Variants in TP73 observed in about 807,000 individuals in gnomAD.
TP73 encodes the protein tumor protein p73.
Under a neutral mutation model 62.5 loss-of-function variants are expected in TP73, and 25 were observed. That is an observed-to-expected ratio of 0.40 (90% CI 0.29 to 0.56). The LOEUF (loss-of-function observed/expected upper bound fraction) is 0.56. Ranked by LOEUF, TP73 falls within the 20% of genes least tolerant of loss-of-function variation. The probability of loss-of-function intolerance (pLI) is 0.46; values close to 1 mark genes in which losing one functional copy is unlikely to be tolerated. For missense variants in TP73, 754 were observed against 913.3 expected (o/e 0.83, Z 2.25); for synonymous variants, 423 against 377.5 (o/e 1.12, Z -1.40).
chr1:3,670,637 G>T lies in TP73; in HGVS notation c.-33-11696G>T, dbSNP rs1225352245. ...GCTGAGATCGTACCACTGCACTCCA[G>T]CCTGGGTGACAGAGCGAGACTCTAT... On this transcript the variant is annotated intron_variant, in intron 1 of 13. Transcript: ENST00000378295. The surrounding 1 kb of genome is among the most constrained non-coding windows in gnomAD (Gnocchi z 5.9). Among the ~76,000 whole-genome samples the T allele has an allele frequency of 6.6e-6, 1 of 152,126 alleles. No homozygotes were observed. The highest frequency in any genetic ancestry group is 2.4e-5 in the African/African-American group (1 of 41,422).
At chr1:3,729,822 C>T in intron 10 of TP73, 178 bp from the exon 11 acceptor site, 2 of 962,462 alleles carry the variant, frequency 2.1e-6, no homozygotes, top group Non-Finnish European at 1.5e-6. Flanking sequence ...TTCTCAGGCG[C>T]AGGCCCAGTG....
chr1:3,708,017 C>A, intron 4 of TP73: 1 of 670,818 alleles, frequency 1.5e-6, no homozygotes, highest in Non-Finnish European at 2.5e-6. Context: ...AGTCAGCCTC[C>A]AAAGGGCCAC....
intron 3 of TP73, among the ~76,000 whole-genome samples, chr1:3,688,706 G>T (rs1002482054): frequency 2.6e-5 from 4 of 152,216 alleles, no homozygotes; most frequent in Non-Finnish European, 5.9e-5. Context: ...TGGGGCAGAG[G>T]CCAGTGGTTT....
intron 3 of TP73, among the ~76,000 whole-genome samples, chr1:3,688,982 G>A (rs1427013912): frequency 1.3e-5 from 2 of 152,188 alleles, no homozygotes; most frequent in Non-Finnish European, 2.9e-5. Context: ...CCCTTTGGCA[G>A]GAGAGGACAC....
intron 3 of TP73, among the ~76,000 whole-genome samples, chr1:3,683,593 C>G (rs1645575394): frequency 6.6e-6 from 1 of 152,230 alleles, no homozygotes; most frequent in African/African-American, 2.4e-5. Context: ...CTCGCTCAGT[C>G]TCTTGGTCTG....
chr1:3,669,198 G>A (rs567821103), intron 1 of TP73, among the ~76,000 whole-genome samples: 294 of 152,304 alleles, frequency 1.9e-3, no homozygotes, highest in African/African-American at 5.8e-3. Flanking sequence ...CCCTCCTCTC[G>A]GCCTGAGTCG....
chr1:3,704,773 G>T (rs1407818562), intron 3 of TP73, among the ~76,000 whole-genome samples: 4 of 152,154 alleles, frequency 2.6e-5, no homozygotes, highest in African/African-American at 9.7e-5. Flanking sequence ...CCTGGGCTGT[G>T]CGACCAGAGC....
chr1:3,723,532 TC>T, intron 6 of TP73, 63 bp downstream of exon 6: 1 of 738,818 alleles, frequency 1.4e-6, no homozygotes. Context: ...GGGGGAGGGG[TC>T]CCCTGAGGCA....
intron 1 of TP73, among the ~76,000 whole-genome samples, chr1:3,660,941 A>T (rs1353117774): frequency 6.6e-6 from 1 of 152,234 alleles, no homozygotes; most frequent in African/African-American, 2.4e-5. Flanking sequence ...TACAACTAAT[A>T]TAGAATGTAT....
chr1:3,723,267 C>A, intron 5 of TP73, 87 bp from the exon 6 acceptor site: 1 of 1,123,112 alleles, frequency 8.9e-7, no homozygotes, highest in South Asian at 1.4e-5. Context: ...CCCTTTGAAC[C>A]CGGCACAGGG....
rs768092583 is a variant in TP73, at chr1:3,666,343, G to A, written c.-34+13702G>A. 2.0e-5 allele frequency among the ~76,000 whole-genome samples: 3 copies of A among 152,110 alleles called. No homozygotes were observed. The East Asian group carries it at 5.8e-4, about 29-fold the overall frequency. On this transcript the variant is annotated intron_variant, in intron 1 of 13. Transcript: ENST00000378295. This position sits in a 1 kb window ranked among gnomAD's most constrained non-coding sequence, Gnocchi z 6.4. Reference sequence around the variant, plus strand: ...GTTGTTTCTTGCTTTTAGAGACAGGGTCTTGCTATGTATCCCACACTAATG... The same window carrying A: ...GTTGTTTCTTGCTTTTAGAGACAGGATCTTGCTATGTATCCCACACTAATG...
Position 3,682,348 on chromosome 1 carries a change from G to A in TP73, c.-18G>A, listed in dbSNP as rs1387232386. On this transcript the variant is annotated 5_prime_UTR_variant, in exon 2 of 14. Transcript: ENST00000378295. ...CTTCCTGCAGAGCGAGCTGCCCTCG[G>A]AGGCCGGCGTGGGGAAGATGGCCCA... 11 of 1,519,926 alleles carry A rather than the reference G, an allele frequency of 7.2e-6. No homozygotes were observed. Among genetic ancestry groups the A allele is most frequent in the Admixed American group, 2.0e-5 (1 of 49,798 alleles). The allele number at this position is 1,519,926 out of a possible 1,614,324, so 94.2% of individuals were successfully genotyped here. A position where few individuals can be genotyped will look rare whatever the true frequency, so the allele number is the denominator to read the frequency against.
intron 1 of TP73, among the ~76,000 whole-genome samples, chr1:3,657,708 C>T (rs534811950): frequency 2.0e-5 from 3 of 152,174 alleles, no homozygotes; most frequent in Non-Finnish European, 4.4e-5. Context: ...CTTTTCAGGA[C>T]GAGGATCTTG....
At chr1:3,731,705 G>A (rs1266461153) in intron 13 of TP73, 149 bp downstream of exon 13, 26 of 736,978 alleles carry the variant, frequency 3.5e-5, no homozygotes, top group Middle Eastern at 3.8e-4. Context: ...TTTGACTCTT[G>A]AGAGCTTAGG....
intron 13 of TP73, among the ~76,000 whole-genome samples, chr1:3,732,112 G>A (rs773994316): frequency 3.3e-5 from 5 of 152,174 alleles, no homozygotes; most frequent in East Asian, 1.9e-4. Context: ...ACAGGGCACC[G>A]TCAGTCAAGG....
At chr1:3,700,775 C>T (rs1201945644) in intron 3 of TP73, among the ~76,000 whole-genome samples, 2 of 151,120 alleles carry the variant, frequency 1.3e-5, no homozygotes, top group Non-Finnish European at 2.9e-5. Context: ...AGTGAGACTT[C>T]GTCTCAAAAA....
intron 9 of TP73, among the ~76,000 whole-genome samples, chr1:3,729,106 T>C (rs1641919991): frequency 6.6e-6 from 1 of 152,102 alleles, no homozygotes; most frequent in Non-Finnish European, 1.5e-5. Context: ...GCAGGCATGG[T>C]TCTTGGGGAC....
At chr1:3,658,540 TG>T (rs5772113) in intron 1 of TP73, among the ~76,000 whole-genome samples, 43,796 of 152,024 alleles carry the variant, frequency 0.29, 6,538 homozygotes, top group African/African-American at 0.34. Context: ...GGCTGCCTCG[TG>T]GTGCAGCTAT....
chr1:3,714,690 C>A (rs772971477), intron 4 of TP73, among the ~76,000 whole-genome samples: 1 of 152,262 alleles, frequency 6.6e-6, no homozygotes, highest in Non-Finnish European at 1.5e-5. Context: ...GAGGACCCTG[C>A]GCTTGGTCCC....
Sources: allele counts gnomAD v4.1 joint callset (sites outside exome capture counted in the v4.1 genomes callset), GRCh38; gene constraint gnomAD v4.1.1; non-coding constraint Gnocchi (gnomAD v3.1); transcripts MANE v1.5; gene names NCBI Gene and HGNC (gene_info 2026-07-23, HGNC 2026-07-21).